Variants in AK8 observed in about 807,000 individuals in gnomAD.
AK8 encodes the protein ATP-AMP transphosphorylase 8.
A neutral mutation model predicts 54.6 loss-of-function variants in AK8; 44 were observed. That is an observed-to-expected ratio of 0.81 (90% CI 0.63 to 1.04). The LOEUF (loss-of-function observed/expected upper bound fraction) is 1.04, where lower values mean the gene tolerates loss of function less well. AK8 is among the 50% of genes least tolerant of loss of function. The pLI is 0.00. For synonymous variants in AK8, 239 were observed against 245.6 expected, an observed-to-expected ratio of 0.97 and a Z score of 0.25; for missense variants, 555 against 613.6, an observed-to-expected ratio of 0.90 and a Z score of 1.01.
intron 11 of AK8, among the ~76,000 whole-genome samples, chr9:132,777,552 C>T (rs1348370160): frequency 6.6e-6 from 1 of 152,198 alleles, no homozygotes; most frequent in East Asian, 1.9e-4. Flanking sequence ...CTCAGTTGTA[C>T]AGAGTATTTT....
chr9:132,844,771 T>G (rs1253571892), intron 5 of AK8, among the ~76,000 whole-genome samples: 1 of 152,174 alleles, frequency 6.6e-6, no homozygotes, highest in East Asian at 1.9e-4. Context: ...TGCTCAAGAC[T>G]AGAAGGGATT....
At chr9:132,835,161 C>T (rs758028119) in intron 5 of AK8, among the ~76,000 whole-genome samples, 1 of 152,156 alleles carries the variant, frequency 6.6e-6, no homozygotes, top group Non-Finnish European at 1.5e-5. Flanking sequence ...TGAGCCACTG[C>T]GCCCGGCTTC....
intron 11 of AK8, among the ~76,000 whole-genome samples, chr9:132,747,216 C>T (rs1837690814): frequency 6.6e-6 from 1 of 152,230 alleles, no homozygotes; most frequent in Non-Finnish European, 1.5e-5. Flanking sequence ...TCTCGGCTCA[C>T]TGCAACCTCC....
intron 5 of AK8, among the ~76,000 whole-genome samples, chr9:132,839,829 G>GC (rs1554801289): frequency 6.8e-5 from 10 of 147,274 alleles, no homozygotes; most frequent in Non-Finnish European, 1.0e-4. Context: ...CCGGGGGGGG[G>GC]GGCGCAGGGA....
chr9:132,773,763 C>G (rs1839080328), intron 11 of AK8, among the ~76,000 whole-genome samples: 1 of 152,186 alleles, frequency 6.6e-6, no homozygotes. Flanking sequence ...TATGCTGCTT[C>G]CCATCACGAG....
At chr9:132,754,804 T>C (rs893378237) in intron 11 of AK8, among the ~76,000 whole-genome samples, 1 of 151,748 alleles carries the variant, frequency 6.6e-6, no homozygotes, top group Non-Finnish European at 1.5e-5. Context: ...TTTTTGGTTT[T>C]TTTTTTTTTT....
Position 132,878,246 on chromosome 9 carries a change from T to C in AK8, c.10A>G (p.Thr4Ala), listed in dbSNP as rs143313005. 3.3e-5 allele frequency: 46 copies of C among 1,393,692 alleles called. No individual in the cohort carries two copies. The highest frequency in any genetic ancestry group is 4.3e-5 in the Non-Finnish European group (46 of 1,066,038). 86.3% of individuals were successfully genotyped at this position (1,393,692 alleles called of 1,614,324 possible). Reference sequence around the variant, plus strand: ...GGGGGGATACGGTGCGGGGCGATAGTGGCGTCCATGTAGCCGTCTCGGCTC... The same window carrying C: ...GGGGGGATACGGTGCGGGGCGATAGCGGCGTCCATGTAGCCGTCTCGGCTC... MDATIAPHRIPPEM... is the reference protein window; with the variant it reads MDAAIAPHRIPPEM... The change falls in exon 1 of 13, where the codon ACT (threonine) becomes GCT (alanine). Residue 4 changes from threonine (T) to alanine (A), a missense_variant. Transcript: ENST00000298545. This position sits in a 1 kb window ranked among gnomAD's most constrained non-coding sequence, Gnocchi z 4.7.
chr9:132,726,263 A>G (rs954215751), intron 12 of AK8, among the ~76,000 whole-genome samples: 4 of 103,996 alleles, frequency 3.8e-5, no homozygotes, highest in African/African-American at 1.6e-4. Flanking sequence ...TCCCTCCCCT[A>G]TCCTCCCTCT....
chr9:132,780,158 A>G (rs1490996553), intron 11 of AK8, among the ~76,000 whole-genome samples: 2 of 152,176 alleles, frequency 1.3e-5, no homozygotes, highest in African/African-American at 2.4e-5. Context: ...CACGGCAGTC[A>G]GAGAATAAAA....
At chr9:132,746,158 G>C (rs4962211) in intron 11 of AK8, among the ~76,000 whole-genome samples, 5 of 145,648 alleles carry the variant, frequency 3.4e-5, no homozygotes, top group African/African-American at 7.7e-5. Flanking sequence ...CTCTGAGATG[G>C]TTCTATTCTC....
intron 2 of AK8, among the ~76,000 whole-genome samples, chr9:132,869,681 A>G (rs1386241580): frequency 6.6e-6 from 1 of 152,222 alleles, no homozygotes; most frequent in Admixed American, 6.5e-5. Flanking sequence ...AGAAGCCACC[A>G]TAGGATATAG....
At chr9:132,867,357 G>A (rs1478407192) in intron 2 of AK8, among the ~76,000 whole-genome samples, 1 of 152,188 alleles carries the variant, frequency 6.6e-6, no homozygotes, top group Non-Finnish European at 1.5e-5. Context: ...GTTTTATTTA[G>A]CAAATTGTAT....
upstream of AK8, chr9:132,878,427 T>G (rs1471005979): frequency 3.2e-6 from 4 of 1,232,626 alleles, no homozygotes; most frequent in Non-Finnish European, 4.1e-6. The surrounding 1 kb of genome is among the most constrained non-coding windows in gnomAD (Gnocchi z 4.7). Context: ...TGACGCGCTC[T>G]GCGGCTCGGG....
intron 11 of AK8, among the ~76,000 whole-genome samples, chr9:132,745,427 G>C (rs1054376696): frequency 3.3e-5 from 5 of 152,112 alleles, no homozygotes; most frequent in Non-Finnish European, 4.4e-5. Context: ...GTGTGCGTCC[G>C]TGTCGCGGCT....
intron 5 of AK8, among the ~76,000 whole-genome samples, chr9:132,836,542 G>T (rs964519563): frequency 4.6e-5 from 7 of 152,166 alleles, no homozygotes; most frequent in Non-Finnish European, 8.8e-5. Flanking sequence ...GGAGGACTTG[G>T]GGTAGACACA....
intron 11 of AK8, among the ~76,000 whole-genome samples, chr9:132,749,702 G>C (rs1590192274): frequency 6.9e-6 from 1 of 145,230 alleles, no homozygotes; most frequent in African/African-American, 2.5e-5. Flanking sequence ...CATTTACTCT[G>C]TTTTTTTTTT....
chr9:132,745,424 T>A (rs1837598663), intron 11 of AK8, among the ~76,000 whole-genome samples: 2 of 152,158 alleles, frequency 1.3e-5, no homozygotes, highest in Admixed American at 1.3e-4. Flanking sequence ...ATTGTGTGCG[T>A]CCGTGTCGCG....
At chr9:132,753,389 C>A (rs868128263) in intron 11 of AK8, among the ~76,000 whole-genome samples, 1 of 152,272 alleles carries the variant, frequency 6.6e-6, no homozygotes, top group Admixed American at 6.5e-5. Flanking sequence ...AGGGTCCCCA[C>A]AACTCCTATC....
Position 132,736,040 on chromosome 9 carries a change from T to C in AK8, c.1122-8506A>G, listed in dbSNP as rs140550490. On this transcript the variant is annotated intron_variant, in intron 11 of 12. Transcript: ENST00000298545. The stretch of plus-strand genomic sequence containing the variant: ...TATAATGCAATGGTAAGTACTTGTG[T>C]ATCCACACATACCTAAACATAGAAA... Among the ~76,000 whole-genome samples, 406 of 152,342 alleles carry C rather than the reference T, an allele frequency of 2.7e-3. 1 individual carries two copies. The highest frequency in any genetic ancestry group is 4.3e-3 in the Non-Finnish European group (295 of 68,026).
Sources: gnomAD v4.1 joint callset for allele counts (sites outside exome capture counted in the v4.1 genomes callset) on GRCh38, gnomAD v4.1.1 for gene constraint, Gnocchi (gnomAD v3.1) non-coding constraint, MANE v1.5 for transcripts, NCBI Gene and HGNC (gene_info 2026-07-23, HGNC 2026-07-21) for gene names.